Variants in GNA12 observed in about 807,000 individuals in gnomAD.
The protein encoded by GNA12 is G protein subunit alpha 12, also known as guanine nucleotide-binding protein subunit alpha-12.
In GNA12, 9 loss-of-function variants were observed where a neutral mutation model predicts 26.0. The observed-to-expected ratio is 0.35, with a 90% CI of 0.21 to 0.60. GNA12 has a LOEUF of 0.60. GNA12 is among the 20% of genes least tolerant of loss of function. The pLI is 0.78. For synonymous variants in GNA12, 264 were observed against 219.6 expected (o/e 1.20, Z -1.79); for missense variants, 405 against 525.8 (o/e 0.77, Z 2.25).
chr7:2,808,544 C>G (rs561756238), intron 1 of GNA12, among the ~76,000 whole-genome samples: 1 of 152,312 alleles, frequency 6.6e-6, no homozygotes, highest in African/African-American at 2.4e-5. Flanking sequence ...ACAGGAGGAC[C>G]TCACTCCCCA....
chr7:2,793,071 C>CA (rs34147919), intron 2 of GNA12, among the ~76,000 whole-genome samples: 2 of 152,062 alleles, frequency 1.3e-5, no homozygotes, highest in East Asian at 1.9e-4. Context: ...GTTTCTGTGC[C>CA]AAAAAAATGC....
At chr7:2,805,259 G>A (rs542395792) in intron 1 of GNA12, among the ~76,000 whole-genome samples, 41 of 152,372 alleles carry the variant, frequency 2.7e-4, no homozygotes, top group African/African-American at 7.0e-4. Flanking sequence ...GAACGACACT[G>A]TGTTAAGTAC....
chr7:2,843,053 C>T (rs1779046242), intron 1 of GNA12, among the ~76,000 whole-genome samples: 1 of 152,140 alleles, frequency 6.6e-6, no homozygotes, highest in Non-Finnish European at 1.5e-5. Flanking sequence ...TTGGGAGGCC[C>T]AGGTGGGAGG....
At chr7:2,797,426 T>G (rs1792704573) in intron 1 of GNA12, among the ~76,000 whole-genome samples, 1 of 151,966 alleles carries the variant, frequency 6.6e-6, no homozygotes, top group Non-Finnish European at 1.5e-5. Flanking sequence ...ATTACAGGTG[T>G]GAGCCACTGC....
At chr7:2,743,531 C>A (rs186557379) in intron 2 of GNA12, among the ~76,000 whole-genome samples, 43 of 152,222 alleles carry the variant, frequency 2.8e-4, no homozygotes, top group African/African-American at 9.6e-4. Context: ...AATAAAGATA[C>A]ACAAAATCTT....
intron 1 of GNA12, among the ~76,000 whole-genome samples, chr7:2,819,314 C>T (rs1395363182): frequency 6.6e-6 from 1 of 152,230 alleles, no homozygotes; most frequent in Non-Finnish European, 1.5e-5. Flanking sequence ...AAAAGGAACA[C>T]AGTCCGGCTG....
rs190610205 is a variant in GNA12 at position 2,735,923 on chromosome 7, T to G, written c.526-2422A>C. On this transcript the variant is annotated intron_variant, in intron 2 of 3. Transcript: ENST00000275364. Reference sequence around the variant, plus strand: ...GGAAGAAGGGGACACAGAGCAACCCTGTGTGATCCAGAACGCTGTCACTCA... The same window carrying G: ...GGAAGAAGGGGACACAGAGCAACCCGGTGTGATCCAGAACGCTGTCACTCA... Among the ~76,000 whole-genome samples the G allele has an allele frequency of 4.0e-3, 602 of 152,218 alleles. 7 individuals carry two copies. Among genetic ancestry groups the G allele is most frequent in the African/African-American group, 0.014 (569 of 41,540 alleles).
intron 1 of GNA12, among the ~76,000 whole-genome samples, chr7:2,842,016 A>G (rs13246197): frequency 2.6e-3 from 185 of 69,924 alleles, no homozygotes; most frequent in South Asian, 5.8e-3. Flanking sequence ...AGGGAGGGAG[A>G]AAGGAAGGGA....
In GNA12 at chr7:2,814,192, A is replaced by G. The variant is rs1173448072; in HGVS notation, c.310-19049T>C. 3.3e-5 allele frequency: 22 copies of G among 658,658 alleles called. No individual in the cohort carries two copies. In the East Asian group the frequency reaches 4.3e-4, roughly 13 times the overall value. 40.8% of individuals were successfully genotyped at this position (658,658 alleles called of 1,614,324 possible). ...CAGCTCCCAGAATCACGTGAGTGAAATTCTCCATCATAAATCTCCTTTTAT... is the reference window on the plus strand; with the variant it reads ...CAGCTCCCAGAATCACGTGAGTGAAGTTCTCCATCATAAATCTCCTTTTAT... On this transcript the variant is annotated intron_variant, in intron 1 of 3. Transcript: ENST00000275364.
intron 2 of GNA12, among the ~76,000 whole-genome samples, chr7:2,743,817 C>T (rs540640799): frequency 6.6e-6 from 1 of 152,154 alleles, no homozygotes; most frequent in African/African-American, 2.4e-5. Context: ...TTGGGTCACT[C>T]CCACCCTAAC....
chr7:2,738,975 C>A (rs926292563), intron 2 of GNA12, among the ~76,000 whole-genome samples: 3 of 152,158 alleles, frequency 2.0e-5, no homozygotes, highest in African/African-American at 7.2e-5. Context: ...TGGCACACAG[C>A]CACCCCTTGG....
At chr7:2,812,636 AACATCACATCACATCACATC>A (rs3831678) in intron 1 of GNA12, among the ~76,000 whole-genome samples, 33,332 of 134,110 alleles carry the variant, frequency 0.25, 4,640 homozygotes, top group Non-Finnish European at 0.31. Context: ...TCTCAAAAAT[AACATCACATCACATCACATC>A]ACATCACATC....
At chr7:2,766,669 A>T (rs1004190646) in intron 2 of GNA12, among the ~76,000 whole-genome samples, 3 of 152,188 alleles carry the variant, frequency 2.0e-5, no homozygotes, top group Admixed American at 6.5e-5. Flanking sequence ...TACAGGTGTG[A>T]GCCACCGCAC....
At chr7:2,781,248 T>C (rs1792219820) in intron 2 of GNA12, among the ~76,000 whole-genome samples, 1 of 152,212 alleles carries the variant, frequency 6.6e-6, no homozygotes, top group South Asian at 2.1e-4. Flanking sequence ...TCTTTTCCTC[T>C]TGGATTTGTA....
intron 2 of GNA12, among the ~76,000 whole-genome samples, chr7:2,741,727 G>C (rs1299245450): frequency 4.0e-5 from 6 of 151,888 alleles, no homozygotes; most frequent in Non-Finnish European, 7.4e-5. Flanking sequence ...CATCATTTGA[G>C]AGCAAGTTGT....
rs1789866136 is a variant in GNA12, at chr7:2,731,125, T to C, written c.*56A>G. 1.7e-6 allele frequency: 2 copies of C among 1,198,138 alleles called. No individual in the cohort carries two copies. Among genetic ancestry groups the C allele is most frequent in the South Asian group, 1.4e-5 (1 of 73,950 alleles). 74.2% of individuals were successfully genotyped at this position (1,198,138 alleles called of 1,614,324 possible). A position where few individuals can be genotyped will look rare whatever the true frequency, so the allele number is the denominator to read the frequency against. On this transcript the variant is annotated 3_prime_UTR_variant, in exon 4 of 4. Coordinates refer to ENST00000275364, the MANE Select transcript of GNA12 (RefSeq NM_007353.3). This position sits in a 1 kb window ranked among gnomAD's most constrained non-coding sequence, Gnocchi z 6.0. ...CACACAGACAACACACACCCAAGAG[T>C]CTGACCGACAGCCGTGGGGGCTGCT...
rs1167565105 is a variant in GNA12, at chr7:2,730,215, T to G, written c.*966A>C. The G allele has an allele frequency of 1.3e-5, 2 of 152,398 alleles. No homozygotes were observed. Among genetic ancestry groups the G allele is most frequent in the African/African-American group, 2.4e-5 (1 of 41,462 alleles). 9.4% of individuals were successfully genotyped at this position (152,398 alleles called of 1,614,324 possible). ...TTCTGAAGCCCCAGAAGAGGAATGT[T>G]TCTGAAAGAAGGAAACGCTATGTGC... On this transcript the variant is annotated 3_prime_UTR_variant, in exon 4 of 4. Transcript: ENST00000275364.
At chr7:2,733,636 G>C (rs1790013128) in intron 2 of GNA12, 135 bp from the exon 3 acceptor site, 2 of 682,368 alleles carry the variant, frequency 2.9e-6, no homozygotes, top group East Asian at 5.5e-5. Context: ...AAAAGGCAGA[G>C]AGTGTCCGTG....
chr7:2,758,660 C>A (rs798494), intron 2 of GNA12, among the ~76,000 whole-genome samples: 37,531 of 152,080 alleles, frequency 0.25, 5,219 homozygotes, highest in Non-Finnish European at 0.29. Flanking sequence ...CCACAGCACA[C>A]TTGGAGGAAC....
Sources: allele counts gnomAD v4.1 joint callset (sites outside exome capture counted in the v4.1 genomes callset), GRCh38; gene constraint gnomAD v4.1.1; non-coding constraint Gnocchi (gnomAD v3.1); transcripts MANE v1.5; gene names NCBI Gene and HGNC (gene_info 2026-07-23, HGNC 2026-07-21).